The following ACSM4 variants were observed in gnomAD, a reference collection of about 807,000 sequenced individuals.
ACSM4 encodes acyl-coenzyme A synthetase ACSM4, mitochondrial.
A neutral mutation model predicts 73.0 loss-of-function variants in ACSM4; 66 were observed. That is an observed-to-expected ratio of 0.90 (90% CI 0.74 to 1.11). The LOEUF (loss-of-function observed/expected upper bound fraction) is 1.11. ACSM4 is among the 50% of genes least tolerant of loss of function. The pLI is 0.00. For missense variants in ACSM4, 645 were observed against 714.4 expected (o/e 0.90, Z 1.11); for synonymous variants, 222 against 254.0 (o/e 0.87, Z 1.20).
intron 9 of ACSM4, 72 bp downstream of exon 9, chr12:7,323,632 C>T (rs760657334): frequency 7.4e-7 from 1 of 1,352,702 alleles, no homozygotes; most frequent in East Asian, 2.3e-5. Flanking sequence ...CCGTGTCTTG[C>T]TATGTAATCT....
intron 3 of ACSM4, among the ~76,000 whole-genome samples, chr12:7,312,894 A>C (rs950559937): frequency 1.3e-5 from 2 of 152,194 alleles, no homozygotes; most frequent in Non-Finnish European, 2.9e-5. Flanking sequence ...TTGAATATGC[A>C]TCTCCACTAG....
chr12:7,317,111 G>A (rs763613176), intron 3 of ACSM4, 26 bp from the exon 4 acceptor site: 29 of 1,592,952 alleles, frequency 1.8e-5, no homozygotes, highest in Admixed American at 3.5e-5. Context: ...ATCTTCCACC[G>A]CCATCTTGGG....
chr12:7,322,643 A>T lies in ACSM4; in HGVS notation c.1125+102A>T, dbSNP rs1244231257. 52 of 1,434,280 alleles carry T rather than the reference A, an allele frequency of 3.6e-5. No homozygotes were observed. In the South Asian group the frequency reaches 7.4e-4, roughly 20 times the overall value. 88.8% of individuals were successfully genotyped at this position (1,434,280 alleles called of 1,614,324 possible). On this transcript the variant is annotated intron_variant, in intron 7 of 12. Coordinates refer to ENST00000399422, the MANE Select transcript of ACSM4 (RefSeq NM_001080454.2). ...TGCCCCCATCCCACTGTAAATTTTT[A>T]TAGAGTTTCCCGGGATACCTCACCT...
intron 2 of ACSM4, among the ~76,000 whole-genome samples, chr12:7,308,871 G>T (rs1172738616): frequency 6.6e-6 from 1 of 151,988 alleles, no homozygotes; most frequent in Admixed American, 6.6e-5. Flanking sequence ...GAGTAGTTTG[G>T]CTTATAGCAC....
chr12:7,317,165 G>T lies in ACSM4; in HGVS notation c.649G>T (p.Glu217Ter), dbSNP rs1478012474. ...QFASEEHSCVETGSQEPMTIY... is the reference protein window; with the variant it reads ...QFASEEHSCV ...CGCCTCTGAAGAGCACAGCTGTGTG[G>T]AAACAGGAAGTCAAGAACCAATGAC... The change falls in exon 4 of 13, where the codon GAA becomes TAA. Residue 217 changes from glutamate to a stop codon, truncating the protein, a stop_gained. Transcript: ENST00000399422. LOFTEE classifies it high-confidence loss of function. 1 of 1,613,028 alleles carries T rather than the reference G, an allele frequency of 6.2e-7. No homozygotes were observed. The highest frequency in any genetic ancestry group is 1.7e-5 in the Admixed American group (1 of 59,908).
intron 3 of ACSM4, 112 bp from the exon 4 acceptor site, chr12:7,317,025 T>C: frequency 7.5e-7 from 1 of 1,340,846 alleles, no homozygotes; most frequent in Non-Finnish European, 1.0e-6. Context: ...TAGGTTCAGT[T>C]CTGTTAACTA....
At chr12:7,319,374 G>A (rs781044109) in intron 5 of ACSM4, among the ~76,000 whole-genome samples, 8 of 152,108 alleles carry the variant, frequency 5.3e-5, no homozygotes, top group African/African-American at 1.4e-4. Flanking sequence ...GGTGGATCAC[G>A]AGGTCAGGAG....
intron 2 of ACSM4, among the ~76,000 whole-genome samples, chr12:7,308,125 C>T (rs1157283327): frequency 1.3e-5 from 2 of 152,058 alleles, no homozygotes; most frequent in Non-Finnish European, 2.9e-5. Context: ...ACAAGGATTT[C>T]ATAATGCTGT....
intron 2 of ACSM4, among the ~76,000 whole-genome samples, 154 bp from the exon 3 acceptor site, chr12:7,310,385 C>T (rs969506220): frequency 6.6e-6 from 1 of 152,178 alleles, no homozygotes; most frequent in Admixed American, 6.5e-5. Flanking sequence ...TCTCAGGGAT[C>T]AGGGTCCTGT....
At chr12:7,325,273 A>T (rs1053566168) in intron 11 of ACSM4, among the ~76,000 whole-genome samples, 1 of 152,282 alleles carries the variant, frequency 6.6e-6, no homozygotes, top group Non-Finnish European at 1.5e-5. Context: ...CAGATACTGC[A>T]TAGGCAAAAG....
intron 2 of ACSM4, among the ~76,000 whole-genome samples, chr12:7,307,357 T>C (rs928863280): frequency 1.3e-5 from 2 of 152,166 alleles, no homozygotes; most frequent in Admixed American, 1.3e-4. Flanking sequence ...AAAACAAAGC[T>C]CTATAAAAGC....
chr12:7,318,465 A>G lies in ACSM4; in HGVS notation c.921+283A>G, dbSNP rs981782378. The G allele has an allele frequency of 1.8e-5, 6 of 337,270 alleles. No individual in the cohort carries two copies. The Admixed American group carries it at 1.8e-4, about 10-fold the overall frequency. 20.9% of individuals were successfully genotyped at this position (337,270 alleles called of 1,614,324 possible). A position where few individuals can be genotyped will look rare whatever the true frequency, so the allele number is the denominator to read the frequency against. On this transcript the variant is annotated intron_variant, in intron 5 of 12. Transcript: ENST00000399422. ...TAGCTACTTAAGAAACTGGTTCTAA[A>G]TAACAGATTAGGAGTCTGAAGTCTA...
Position 7,328,433 on chromosome 12 carries a change from C to A in ACSM4, c.*60C>A. On this transcript the variant is annotated 3_prime_UTR_variant, in exon 13 of 13. Coordinates refer to ENST00000399422, the MANE Select transcript of ACSM4 (RefSeq NM_001080454.2). ...TGGTTGCTTTCTTTTAGTATTTGTT[C>A]CGATAATTCAGCGACTACTCTCTTA... The A allele has an allele frequency of 1.6e-6, 2 of 1,277,670 alleles. No homozygotes were observed. The highest frequency in any genetic ancestry group is 2.1e-6 in the Non-Finnish European group (2 of 935,796). 79.1% of individuals were successfully genotyped at this position (1,277,670 alleles called of 1,614,324 possible).
At chr12:7,310,830 C>T in intron 3 of ACSM4, 84 bp downstream of exon 3, 1 of 1,327,746 alleles carries the variant, frequency 7.5e-7, no homozygotes, top group Non-Finnish European at 1.0e-6. Flanking sequence ...CCTCCAAGGA[C>T]TCAGGAACAC....
chr12:7,317,074 GA>G, intron 3 of ACSM4, 62 bp from the exon 4 acceptor site: 1 of 1,546,982 alleles, frequency 6.5e-7, no homozygotes, highest in Non-Finnish European at 8.7e-7. Context: ...TTGAGCAGAG[GA>G]AATATCAGAG....
chr12:7,306,897 C>T (rs1332597565), intron 2 of ACSM4, among the ~76,000 whole-genome samples, 154 bp downstream of exon 2: 1 of 135,116 alleles, frequency 7.4e-6, no homozygotes, highest in Non-Finnish European at 1.6e-5. Flanking sequence ...ATAATAATAA[C>T]AATAACACCA....
chr12:7,312,620 T>C (rs1293219638), intron 3 of ACSM4, among the ~76,000 whole-genome samples: 3 of 152,232 alleles, frequency 2.0e-5, no homozygotes, highest in Admixed American at 6.5e-5. Flanking sequence ...GTGTCTTTTA[T>C]AAGCTGTGTA....
In ACSM4 at chr12:7,310,763, G is replaced by A; in HGVS notation, c.620+17G>A. ...GTTATTTCAGTGAGTATTTTTCCCA[G>A]CCAATCTACACTGCTGGCAACAACA... On this transcript the variant is annotated intron_variant, in intron 3 of 12. Coordinates refer to ENST00000399422, the MANE Select transcript of ACSM4 (RefSeq NM_001080454.2). 6.2e-7 allele frequency: 1 copy of A among 1,604,202 alleles called. No individual in the cohort carries two copies. Among genetic ancestry groups the A allele is most frequent in the Non-Finnish European group, 8.5e-7 (1 of 1,175,302 alleles).
chr12:7,311,969 G>A (rs1946393454), intron 3 of ACSM4, among the ~76,000 whole-genome samples: 1 of 152,182 alleles, frequency 6.6e-6, no homozygotes, highest in Non-Finnish European at 1.5e-5. Flanking sequence ...GGGATTACAG[G>A]CATGAGCCAC....
Sources: gnomAD v4.1 joint callset for allele counts (sites outside exome capture counted in the v4.1 genomes callset) on GRCh38, gnomAD v4.1.1 for gene constraint, MANE v1.5 for transcripts, NCBI Gene and HGNC (gene_info 2026-07-23, HGNC 2026-07-21) for gene names.